Variants in RALGAPA1 observed in about 807,000 individuals in gnomAD.
RALGAPA1 encodes the protein ral GTPase-activating protein subunit alpha-1.
Under a neutral mutation model 269.6 loss-of-function variants are expected in RALGAPA1, and 52 were observed. The observed-to-expected ratio is 0.19, with a 90% CI of 0.15 to 0.24. The LOEUF is 0.24. RALGAPA1 is among the 10% of genes least tolerant of loss of function. RALGAPA1 has a pLI of 1.00. For synonymous variants in RALGAPA1, 817 were observed against 1,008.3 expected (o/e 0.81, Z 3.60); for missense variants, 1,917 against 3,013.9 (o/e 0.64, Z 8.52).
intron 16 of RALGAPA1, among the ~76,000 whole-genome samples, chr14:35,710,903 C>T (rs2068268293): frequency 6.6e-6 from 1 of 152,162 alleles, no homozygotes; most frequent in African/African-American, 2.4e-5. Context: ...CACCATACAG[C>T]CTAGGTATGT....
intron 7 of RALGAPA1, among the ~76,000 whole-genome samples, chr14:35,752,410 T>C (rs559794462): frequency 6.6e-6 from 1 of 152,280 alleles, no homozygotes; most frequent in East Asian, 1.9e-4. Context: ...AAAGTGGCCC[T>C]ACTAATGACA....
At chr14:35,617,383 T>G (rs941980624) in intron 35 of RALGAPA1, among the ~76,000 whole-genome samples, 1 of 152,122 alleles carries the variant, frequency 6.6e-6, no homozygotes, top group Admixed American at 6.5e-5. Flanking sequence ...TTTGGGAGGC[T>G]GAGGCAGGCA....
chr14:35,740,701 G>A (rs1221264188), intron 11 of RALGAPA1, among the ~76,000 whole-genome samples: 1 of 152,122 alleles, frequency 6.6e-6, no homozygotes, highest in Non-Finnish European at 1.5e-5. Flanking sequence ...CCAGCTACTT[G>A]GGTGGCTGAG....
intron 37 of RALGAPA1, among the ~76,000 whole-genome samples, chr14:35,582,239 T>C (rs950899519): frequency 6.6e-6 from 1 of 152,104 alleles, no homozygotes; most frequent in African/African-American, 2.4e-5. Flanking sequence ...GAATTACTGT[T>C]TAATGGGTAC....
intron 13 of RALGAPA1, among the ~76,000 whole-genome samples, chr14:35,727,190 T>C (rs1209468899): frequency 1.3e-5 from 2 of 151,292 alleles, no homozygotes; most frequent in Non-Finnish European, 2.9e-5. Flanking sequence ...TAATTTATGT[T>C]TTGCCACATG....
chr14:35,736,923 C>T (rs1298682353), intron 12 of RALGAPA1, among the ~76,000 whole-genome samples: 1 of 151,834 alleles, frequency 6.6e-6, no homozygotes, highest in Non-Finnish European at 1.5e-5. Context: ...GTAATCCCAA[C>T]TACTCAGGAG....
intron 15 of RALGAPA1, among the ~76,000 whole-genome samples, chr14:35,722,634 CCTAA>C (rs1414831967): frequency 6.6e-5 from 10 of 150,582 alleles, no homozygotes; most frequent in African/African-American, 2.0e-4. Flanking sequence ...AAAGCAAAAT[CCTAA>C]CTAACTGAGG....
intron 35 of RALGAPA1, among the ~76,000 whole-genome samples, chr14:35,613,871 T>C (rs1279071301): frequency 1.3e-5 from 2 of 152,156 alleles, no homozygotes; most frequent in Admixed American, 6.5e-5. Flanking sequence ...TAAATAGGCA[T>C]TTTTTCAAAG....
At position 35,685,135 on chromosome 14, in the gene RALGAPA1, C is replaced by T; in HGVS notation, c.4088G>A (p.Arg1363Lys). 1 of 1,562,380 alleles carries T rather than the reference C, an allele frequency of 6.4e-7. No homozygotes were observed. The highest frequency in any genetic ancestry group is 8.7e-7 in the Non-Finnish European group (1 of 1,152,516). ...LRSGNASTMT[R>K]RGSSPGSLEI... ...CAGGCTGCCTGGACTACTTCCTCTT[C>T]TTGTCATAGTCTAAACGTTCAAGAA... Residue 1363 changes from arginine to lysine, a missense_variant, in exon 20 of 42, where the codon AGA becomes AAA. By Grantham distance (26) the Arg-to-Lys change is conservative. Coordinates refer to ENST00000680220, the MANE Select transcript of RALGAPA1 (RefSeq NM_001346249.2).
At chr14:35,693,697 C>A (rs1407408385) in intron 17 of RALGAPA1, among the ~76,000 whole-genome samples, 2 of 151,902 alleles carry the variant, frequency 1.3e-5, no homozygotes, top group Non-Finnish European at 2.9e-5. Flanking sequence ...GAGATTTACA[C>A]AAACTGCTTT....
intron 36 of RALGAPA1, among the ~76,000 whole-genome samples, chr14:35,600,220 TTTTC>T: frequency 8.1e-6 from 1 of 123,264 alleles, no homozygotes; most frequent in Non-Finnish European, 1.5e-5. Flanking sequence ...TTTTTTTTCT[TTTTC>T]TTTTTTTCTT....
intron 1 of RALGAPA1, among the ~76,000 whole-genome samples, chr14:35,793,267 C>A (rs1452075535): frequency 6.9e-6 from 1 of 144,290 alleles, no homozygotes; most frequent in African/African-American, 2.6e-5. Flanking sequence ...GACGGAATTT[C>A]ACTCTTGTTG....
At chr14:35,680,776 G>A (rs1015369762) in intron 21 of RALGAPA1, among the ~76,000 whole-genome samples, 16 of 151,542 alleles carry the variant, frequency 1.1e-4, no homozygotes, top group Admixed American at 2.0e-4. Flanking sequence ...CACCACGCCC[G>A]GCTAATTTTT....
At chr14:35,686,518 C>A (rs746629040) in intron 19 of RALGAPA1, 24 bp downstream of exon 19, 1 of 1,579,630 alleles carries the variant, frequency 6.3e-7, no homozygotes, top group Non-Finnish European at 8.6e-7. Flanking sequence ...CTCTATAAAA[C>A]CAAATATATA....
chr14:35,572,304 G>A (rs1223388739), intron 38 of RALGAPA1, among the ~76,000 whole-genome samples: 1 of 152,028 alleles, frequency 6.6e-6, no homozygotes, highest in Non-Finnish European at 1.5e-5. Flanking sequence ...TTTGAGCTTG[G>A]TACACAGGAA....
rs764002560 is a variant in RALGAPA1 at position 35,634,806 on chromosome 14, T to C, written c.5812-49A>G. ...CAGTTTTACTTAAAAAATAAATAAA[T>C]AAATAAAAGTTAAAGGAGGATAAAA... On this transcript the variant is annotated intron_variant, in intron 32 of 41. Coordinates refer to ENST00000680220, the MANE Select transcript of RALGAPA1 (RefSeq NM_001346249.2). The C allele has an allele frequency of 8.9e-6, 13 of 1,452,964 alleles. No individual in the cohort carries two copies. In the South Asian group the frequency reaches 1.6e-4, roughly 18 times the overall value. The allele number at this position is 1,452,964 out of a possible 1,614,324, so 90.0% of individuals were successfully genotyped here.
chr14:35,732,826 CAG>C (rs2070630663), intron 12 of RALGAPA1, among the ~76,000 whole-genome samples: 1 of 152,178 alleles, frequency 6.6e-6, no homozygotes, highest in African/African-American at 2.4e-5. Flanking sequence ...TCTCCACTGA[CAG>C]CACTAGACAG....
intron 17 of RALGAPA1, among the ~76,000 whole-genome samples, chr14:35,698,688 G>A (rs1470513971): frequency 6.6e-6 from 1 of 152,022 alleles, no homozygotes; most frequent in East Asian, 1.9e-4. Context: ...AAAGCTAGGA[G>A]CAAAAAATGT....
At chr14:35,600,458 C>A (rs1408168632) in intron 36 of RALGAPA1, among the ~76,000 whole-genome samples, 1 of 151,958 alleles carries the variant, frequency 6.6e-6, no homozygotes, top group Non-Finnish European at 1.5e-5. Context: ...TCTCAAAACT[C>A]CTGGCTCAAG....
Sources: allele counts gnomAD v4.1 joint callset (sites outside exome capture counted in the v4.1 genomes callset), GRCh38; gene constraint gnomAD v4.1.1; transcripts MANE v1.5; gene names NCBI Gene and HGNC (gene_info 2026-07-23, HGNC 2026-07-21).